The following KCTD8 variants were observed in gnomAD, a reference collection of about 807,000 sequenced individuals.
KCTD8 encodes potassium channel tetramerization domain containing 8, also known as BTB/POZ domain-containing protein KCTD8.
KCTD8 carries 27 observed loss-of-function variants against 31.5 expected under a neutral mutation model. The observed-to-expected ratio is 0.86, with a 90% CI of 0.63 to 1.18. The LOEUF (loss-of-function observed/expected upper bound fraction) is 1.18. Ranked by LOEUF, KCTD8 falls within the 50% of genes most tolerant of loss-of-function variation. The pLI is 0.00. For synonymous variants in KCTD8, 290 were observed against 280.0 expected (o/e 1.04, Z -0.36); for missense variants, 658 against 647.7 (o/e 1.02, Z -0.17).
At chr4:44,266,879 C>T (rs955321454) in intron 1 of KCTD8, among the ~76,000 whole-genome samples, 11 of 151,552 alleles carry the variant, frequency 7.3e-5, no homozygotes, top group African/African-American at 2.2e-4. Flanking sequence ...TACAGGAGCA[C>T]CCAGATTCAT....
chr4:44,202,284 T>A (rs1395310160), intron 1 of KCTD8, among the ~76,000 whole-genome samples: 1 of 152,040 alleles, frequency 6.6e-6, no homozygotes, highest in African/African-American at 2.4e-5. Context: ...AAAGTTCCAT[T>A]TCTGGGGATA....
At chr4:44,176,614 G>A (rs1340271709) in intron 1 of KCTD8, among the ~76,000 whole-genome samples, 1 of 152,008 alleles carries the variant, frequency 6.6e-6, no homozygotes, top group African/African-American at 2.4e-5. Context: ...AAAATTAGAA[G>A]AAACATAAGT....
chr4:44,319,213 A>G (rs1055708341), intron 1 of KCTD8, among the ~76,000 whole-genome samples: 1 of 152,186 alleles, frequency 6.6e-6, no homozygotes, highest in South Asian at 2.1e-4. Flanking sequence ...TGAGGTTTCA[A>G]TTGAGGATAG....
At chr4:44,318,766 A>C (rs1329707237) in intron 1 of KCTD8, among the ~76,000 whole-genome samples, 2 of 152,200 alleles carry the variant, frequency 1.3e-5, no homozygotes, top group Non-Finnish European at 2.9e-5. Context: ...GAGATAGGTG[A>C]TTAAATTGTA....
intron 1 of KCTD8, among the ~76,000 whole-genome samples, chr4:44,338,305 A>G (rs1718808469): frequency 6.6e-6 from 1 of 152,162 alleles, no homozygotes; most frequent in Admixed American, 6.5e-5. Context: ...GACTTGGTTT[A>G]CTGTTTTGTA....
chr4:44,296,169 C>T (rs2109388583), intron 1 of KCTD8, among the ~76,000 whole-genome samples: 1 of 152,260 alleles, frequency 6.6e-6, no homozygotes, highest in African/African-American at 2.4e-5. Context: ...GAAATCTAGA[C>T]ACATACAGCA....
intron 1 of KCTD8, among the ~76,000 whole-genome samples, chr4:44,235,552 T>TATATATATAC (rs1715256791): frequency 1.1e-5 from 1 of 89,096 alleles, no homozygotes; most frequent in African/African-American, 5.1e-5. Flanking sequence ...TATATATATA[T>TATATATATAC]ATATATATAT....
At chr4:44,393,284 C>T (rs1720416304) in intron 1 of KCTD8, among the ~76,000 whole-genome samples, 1 of 151,876 alleles carries the variant, frequency 6.6e-6, no homozygotes, top group African/African-American at 2.4e-5. Context: ...AAAACCAAAG[C>T]TTATTCTGTT....
intron 1 of KCTD8, among the ~76,000 whole-genome samples, chr4:44,313,543 T>C (rs1209553002): frequency 6.6e-5 from 10 of 152,180 alleles, no homozygotes; most frequent in Admixed American, 5.9e-4. Context: ...CTGTTAATGA[T>C]TAGCAATGAG....
chr4:44,350,340 A>G (rs2109424298), intron 1 of KCTD8, among the ~76,000 whole-genome samples: 1 of 152,298 alleles, frequency 6.6e-6, no homozygotes, highest in South Asian at 2.1e-4. Context: ...TCCACAATTT[A>G]GCCAAAACTA....
chr4:44,299,490 G>C (rs1449913423), intron 1 of KCTD8, among the ~76,000 whole-genome samples: 1 of 152,114 alleles, frequency 6.6e-6, no homozygotes, highest in Non-Finnish European at 1.5e-5. Flanking sequence ...CAGCACTTTG[G>C]GAGGCCAAGG....
Position 44,448,660 on chromosome 4 carries a change from C to T in KCTD8, c.-137G>A, listed in dbSNP as rs759875881. 94 of 971,430 alleles carry T rather than the reference C, an allele frequency of 9.7e-5. 1 individual carries two copies. The highest frequency in any genetic ancestry group is 1.2e-4 in the Non-Finnish European group (87 of 745,346). The allele number at this position is 971,430 out of a possible 1,614,324, so 60.2% of individuals were successfully genotyped here. On this transcript the variant is annotated 5_prime_UTR_variant, in exon 1 of 2. Coordinates refer to ENST00000360029, the MANE Select transcript of KCTD8 (RefSeq NM_198353.3). The surrounding 1 kb of genome is among the most constrained non-coding windows in gnomAD (Gnocchi z 4.1). ...GCGCGTTCCTCCGACCGGGGCGGCC[C>T]CGCTCAGGGTTCGGGGCAGCGGCGG...
chr4:44,445,584 C>G (rs552686733), intron 1 of KCTD8, among the ~76,000 whole-genome samples: 3 of 152,102 alleles, frequency 2.0e-5, no homozygotes, highest in African/African-American at 7.2e-5. Flanking sequence ...CACTTTTTTC[C>G]TAATGTAGAG....
intron 1 of KCTD8, among the ~76,000 whole-genome samples, chr4:44,191,463 T>C (rs1373107577): frequency 6.6e-6 from 1 of 152,192 alleles, no homozygotes; most frequent in Non-Finnish European, 1.5e-5. Flanking sequence ...ATTTTTCTTC[T>C]TGCAGAGAGC....
At chr4:44,221,284 T>C (rs909889835) in intron 1 of KCTD8, among the ~76,000 whole-genome samples, 4 of 152,116 alleles carry the variant, frequency 2.6e-5, no homozygotes, top group African/African-American at 7.2e-5. Flanking sequence ...TCTTGTTCCA[T>C]TGAGCTGCAT....
At chr4:44,401,769 T>C (rs1720671354) in intron 1 of KCTD8, among the ~76,000 whole-genome samples, 1 of 152,186 alleles carries the variant, frequency 6.6e-6, no homozygotes, top group Non-Finnish European at 1.5e-5. Context: ...GCAGCTACTA[T>C]TCTATTTAGG....
At chr4:44,431,104 T>C (rs1189686107) in intron 1 of KCTD8, among the ~76,000 whole-genome samples, 1 of 151,736 alleles carries the variant, frequency 6.6e-6, no homozygotes, top group East Asian at 1.9e-4. Context: ...TACGTAAGAA[T>C]AGGTATTAAG....
At chr4:44,256,116 T>G (rs1379643214) in intron 1 of KCTD8, among the ~76,000 whole-genome samples, 1 of 151,842 alleles carries the variant, frequency 6.6e-6, no homozygotes, top group African/African-American at 2.4e-5. Flanking sequence ...CTTGTGAGAC[T>G]TACTACCATG....
chr4:44,282,304 C>T (rs149545013), intron 1 of KCTD8, among the ~76,000 whole-genome samples: 1 of 152,022 alleles, frequency 6.6e-6, no homozygotes, highest in African/African-American at 2.4e-5. Context: ...ATGATCTTTG[C>T]TCAGTGACCT....
Sources: allele counts gnomAD v4.1 joint callset (sites outside exome capture counted in the v4.1 genomes callset), GRCh38; gene constraint gnomAD v4.1.1; non-coding constraint Gnocchi (gnomAD v3.1); transcripts MANE v1.5; gene names NCBI Gene and HGNC (gene_info 2026-07-23, HGNC 2026-07-21).